Variants in CCDC85C observed in about 807,000 individuals in gnomAD.
CCDC85C encodes coiled-coil domain containing 85C.
Under a neutral mutation model 38.3 loss-of-function variants are expected in CCDC85C, and 18 were observed. The ratio of observed to expected loss-of-function variants is 0.47; its 90% CI spans 0.33 to 0.70. The LOEUF (loss-of-function observed/expected upper bound fraction) is 0.70. Among genes scored for constraint, CCDC85C ranks in the 30% least tolerant of loss-of-function variants. The probability of loss-of-function intolerance (pLI) is 0.03; values close to 1 mark genes in which losing one functional copy is unlikely to be tolerated. For missense variants in CCDC85C, 566 were observed against 621.2 expected, an observed-to-expected ratio of 0.91 and a Z score of 0.94; for synonymous variants, 264 against 293.8, an observed-to-expected ratio of 0.90 and a Z score of 1.04.
Position 99,520,135 on chromosome 14 carries a change from G to A in CCDC85C, c.975+1998C>T, listed in dbSNP as rs1005383319. On this transcript the variant is annotated intron_variant, in intron 3 of 5. Coordinates refer to ENST00000380243, the MANE Select transcript of CCDC85C (RefSeq NM_001144995.2). This position sits in a 1 kb window ranked among gnomAD's most constrained non-coding sequence, Gnocchi z 4.1. The stretch of plus-strand genomic sequence containing the variant: ...CCCAGAGAGTCACCTGCTTTACCCA[G>A]GGACTCTCCAGCATGCCCTCAATGT... Among the ~76,000 whole-genome samples the A allele has an allele frequency of 3.9e-5, 6 of 152,318 alleles. No individual in the cohort carries two copies. In the South Asian group the frequency reaches 1.2e-3, roughly 32 times the overall value.
At chr14:99,519,385 G>A (rs1183707350) in intron 3 of CCDC85C, among the ~76,000 whole-genome samples, 1 of 151,014 alleles carries the variant, frequency 6.6e-6, no homozygotes, top group African/African-American at 2.4e-5. Context: ...CCAAAGTGAT[G>A]GGATTATAGG....
At chr14:99,519,178 C>T (rs1247293332) in intron 3 of CCDC85C, among the ~76,000 whole-genome samples, 2 of 128,614 alleles carry the variant, frequency 1.6e-5, no homozygotes, top group Non-Finnish European at 3.2e-5. Flanking sequence ...TACAGTGGCA[C>T]CATCTCAGCT....
At position 99,535,503 on chromosome 14, in the gene CCDC85C, C is replaced by G. The variant is rs1020813500; in HGVS notation, c.867+512G>C. Among the ~76,000 whole-genome samples, 1 of 152,178 alleles carries G rather than the reference C, an allele frequency of 6.6e-6. No homozygotes were observed. Among genetic ancestry groups the G allele is most frequent in the African/African-American group, 2.4e-5 (1 of 41,438 alleles). ...GGCACAGCCCCTCACCCAACCCCAC[C>G]TCCCCCCTACAGCCAACCCCTCCCA... On this transcript the variant is annotated intron_variant, in intron 2 of 5. Coordinates refer to ENST00000380243, the MANE Select transcript of CCDC85C (RefSeq NM_001144995.2). The surrounding 1 kb of genome is among the most constrained non-coding windows in gnomAD (Gnocchi z 5.5).
intron 1 of CCDC85C, among the ~76,000 whole-genome samples, chr14:99,556,200 T>C (rs60430157): frequency 0.021 from 3,228 of 152,338 alleles, 126 homozygotes; most frequent in African/African-American, 0.073. Context: ...AAGGATCACT[T>C]GAGCCCAGGA....
intron 1 of CCDC85C, among the ~76,000 whole-genome samples, chr14:99,591,734 CT>C (rs66657278): frequency 0.013 from 1,697 of 130,398 alleles, 15 homozygotes; most frequent in Non-Finnish European, 0.02. Context: ...GGTTTCTTTT[CT>C]TTTTTTTTTT....
In CCDC85C at chr14:99,509,263, AG is replaced by A. The variant is rs369491147; in HGVS notation, c.*5982del. ...TCTGTCTCCTGGGCTGCCTTGGGAAAGGACACTCATTCTGTGTGTTTGGCTA... is the reference window on the plus strand; with the variant it reads ...TCTGTCTCCTGGGCTGCCTTGGGAAAGACACTCATTCTGTGTGTTTGGCTA... On this transcript the variant is annotated 3_prime_UTR_variant, in exon 6 of 6. Transcript: ENST00000380243. 5.9e-5 allele frequency: 9 copies of A among 152,418 alleles called. No homozygotes were observed. The highest frequency in any genetic ancestry group is 2.2e-4 in the African/African-American group (9 of 41,564). 9.4% of individuals were successfully genotyped at this position (152,418 alleles called of 1,614,324 possible).
chr14:99,580,258 A>G (rs2054952257), intron 1 of CCDC85C: 1 of 395,290 alleles, frequency 2.5e-6, no homozygotes, highest in Non-Finnish European at 5.0e-6. Context: ...AGTGGGTGAC[A>G]GACCAGCTAA....
intron 1 of CCDC85C, among the ~76,000 whole-genome samples, chr14:99,540,145 T>TA (rs200548735): frequency 1.2e-4 from 15 of 123,120 alleles, no homozygotes; most frequent in African/African-American, 2.9e-4. Flanking sequence ...AGACTGTCTT[T>TA]AAAAAAAAAG....
Position 99,517,115 on chromosome 14 carries a change from C to T in CCDC85C, c.1044G>A (p.Lys348=), listed in dbSNP as rs1418263680. Residue 348 remains lysine (K), a synonymous_variant, in exon 4 of 6, where the codon AAG becomes AAA. Coordinates refer to ENST00000380243, the MANE Select transcript of CCDC85C (RefSeq NM_001144995.2). ...PSAGYSPAGQ[K]PEAVVHAMKV... ...TCATGGCATGCACGACAGCCTCGGG[C>T]TTCTGTCCTGCAGGGCTGTAGCCAG... 8.4e-6 allele frequency: 13 copies of T among 1,550,388 alleles called. No homozygotes were observed. Among genetic ancestry groups the T allele is most frequent in the Non-Finnish European group, 1.1e-5 (13 of 1,146,920 alleles).
At chr14:99,589,207 C>A (rs8017663) in intron 1 of CCDC85C, among the ~76,000 whole-genome samples, 77,164 of 150,440 alleles carry the variant, frequency 0.51, 20,391 homozygotes, top group African/African-American at 0.67. Flanking sequence ...CAGCCACGGC[C>A]GGGATCAACA....
At chr14:99,586,086 G>C (rs1023051387) in intron 1 of CCDC85C, among the ~76,000 whole-genome samples, 8 of 152,216 alleles carry the variant, frequency 5.3e-5, no homozygotes, top group Admixed American at 5.2e-4. Context: ...TATAGATGAG[G>C]CTCCAAGGAG....
In CCDC85C at chr14:99,530,145, C is replaced by A. The variant is rs558824528; in HGVS notation, c.867+5870G>T. 5.3e-5 allele frequency among the ~76,000 whole-genome samples: 8 copies of A among 152,340 alleles called. No individual in the cohort carries two copies. In the East Asian group the frequency reaches 1.5e-3, roughly 29 times the overall value. ...TCTGGCTCACGGTGGACACTCCTTA[C>A]ACTGCTGGTGCTAGGGCACGGAGGT... On this transcript the variant is annotated intron_variant, in intron 2 of 5. Transcript: ENST00000380243.
Position 99,502,688 on chromosome 14 carries a change from G to A in CCDC85C, c.*12558C>T, listed in dbSNP as rs901355751. On this transcript the variant is annotated 3_prime_UTR_variant, in exon 6 of 6. Coordinates refer to ENST00000380243, the MANE Select transcript of CCDC85C (RefSeq NM_001144995.2). ...AAAATTTTATTTAAAATACCAATTTGTGTAAAATGTAATTGTTGGCTATCA... is the reference window on the plus strand; with the variant it reads ...AAAATTTTATTTAAAATACCAATTTATGTAAAATGTAATTGTTGGCTATCA... 6.3e-6 allele frequency: 10 copies of A among 1,598,370 alleles called. No homozygotes were observed. Among genetic ancestry groups the A allele is most frequent in the African/African-American group, 2.7e-5 (2 of 74,544 alleles).
chr14:99,574,843 T>G (rs1898438131), intron 1 of CCDC85C, among the ~76,000 whole-genome samples: 1 of 152,066 alleles, frequency 6.6e-6, no homozygotes, highest in South Asian at 2.1e-4. Flanking sequence ...CAGGGGATTC[T>G]AGGAGGTTAA....
intron 1 of CCDC85C, among the ~76,000 whole-genome samples, chr14:99,546,159 G>T (rs898971375): frequency 1.4e-4 from 21 of 152,190 alleles, no homozygotes; most frequent in African/African-American, 5.1e-4. Context: ...GAGAAAGTGT[G>T]TGGGGGCTGC....
In CCDC85C at chr14:99,523,596, C is replaced by T. The variant is rs144972015; in HGVS notation, c.868-1356G>A. Among the ~76,000 whole-genome samples, 581 of 152,312 alleles carry T rather than the reference C, an allele frequency of 3.8e-3. 2 individuals are homozygous for T. Among genetic ancestry groups the T allele is most frequent in the South Asian group, 9.5e-3 (46 of 4,830 alleles). On this transcript the variant is annotated intron_variant, in intron 2 of 5. Coordinates refer to ENST00000380243, the MANE Select transcript of CCDC85C (RefSeq NM_001144995.2). Reference sequence around the variant, plus strand: ...TAAATAGCCCACGCCCACCAGACGCCGGTCAGCCAGGGCAGCCGGGCACTG... The same window carrying T: ...TAAATAGCCCACGCCCACCAGACGCTGGTCAGCCAGGGCAGCCGGGCACTG...
At chr14:99,587,416 A>AT (rs930677431) in intron 1 of CCDC85C, among the ~76,000 whole-genome samples, 3 of 152,204 alleles carry the variant, frequency 2.0e-5, no homozygotes, top group African/African-American at 7.2e-5. Flanking sequence ...TCTGGGGGAG[A>AT]TTTTGTTTAG....
Position 99,545,944 on chromosome 14 carries a change from A to T in CCDC85C, c.794-9856T>A, listed in dbSNP as rs1244277007. ...AACTCCCAGCCTCCAACTCCGAGGG[A>T]CCCTTTACCCTCCTGCCCCTGACTA... On this transcript the variant is annotated intron_variant, in intron 1 of 5. Coordinates refer to ENST00000380243, the MANE Select transcript of CCDC85C (RefSeq NM_001144995.2). This position sits in a 1 kb window ranked among gnomAD's most constrained non-coding sequence, Gnocchi z 4.7. Among the ~76,000 whole-genome samples, 1 of 151,868 alleles carries T rather than the reference A, an allele frequency of 6.6e-6. No homozygotes were observed. Among genetic ancestry groups the T allele is most frequent in the African/African-American group, 2.4e-5 (1 of 41,326 alleles).
chr14:99,523,697 GAC>G lies in CCDC85C; in HGVS notation c.868-1459_868-1458del, dbSNP rs371591977. Among the ~76,000 whole-genome samples the G allele has an allele frequency of 5.3e-4, 81 of 152,298 alleles. 1 individual carries two copies. In the East Asian group the frequency reaches 0.015, roughly 28 times the overall value. ...AGGTCAGGGAGGGACATAAAGGAGA[GAC>G]AGAGAAGTGGGAACCAACCTTCCTG... is the stretch of plus-strand genomic sequence containing the variant. On this transcript the variant is annotated intron_variant, in intron 2 of 5. Transcript: ENST00000380243.
Sources: gnomAD v4.1 joint callset for allele counts (sites outside exome capture counted in the v4.1 genomes callset) on GRCh38, gnomAD v4.1.1 for gene constraint, Gnocchi (gnomAD v3.1) non-coding constraint, MANE v1.5 for transcripts, NCBI Gene and HGNC (gene_info 2026-07-23, HGNC 2026-07-21) for gene names.